The following OXR1 variants were observed in gnomAD, a reference collection of about 807,000 sequenced individuals.
OXR1 encodes oxidation resistance protein 1.
A neutral mutation model predicts 104.6 loss-of-function variants in OXR1; 41 were observed. The observed-to-expected ratio is 0.39, with a 90% CI of 0.31 to 0.51. OXR1 has a LOEUF of 0.51. Among genes scored for constraint, OXR1 ranks in the 20% least tolerant of loss-of-function variants. OXR1 has a pLI of 0.77. For missense variants in OXR1, 955 were observed against 1,031.9 expected, an observed-to-expected ratio of 0.93 and a Z score of 1.02; for synonymous variants, 348 against 348.4, an observed-to-expected ratio of 1.00 and a Z score of 0.01.
chr8:106,373,513 C>A (rs1267449248), intron 2 of OXR1, among the ~76,000 whole-genome samples: 3 of 152,104 alleles, frequency 2.0e-5, no homozygotes, highest in Non-Finnish European at 4.4e-5. Flanking sequence ...TCACTTTATT[C>A]TAAAATTATG....
chr8:106,612,976 C>T (rs1303216015), intron 3 of OXR1, among the ~76,000 whole-genome samples: 1 of 152,084 alleles, frequency 6.6e-6, no homozygotes, highest in Non-Finnish European at 1.5e-5. Context: ...CACTCTGCAA[C>T]ACGTGCTTTC....
At chr8:106,396,184 C>T (rs1189744752) in intron 2 of OXR1, among the ~76,000 whole-genome samples, 2 of 152,030 alleles carry the variant, frequency 1.3e-5, no homozygotes, top group Non-Finnish European at 2.9e-5. Context: ...GATATAACCC[C>T]CTCCAGGAGG....
intron 1 of OXR1, among the ~76,000 whole-genome samples, chr8:106,285,769 A>G (rs1266317069): frequency 6.6e-6 from 1 of 152,114 alleles, no homozygotes; most frequent in Non-Finnish European, 1.5e-5. Flanking sequence ...TGTGTGTGGC[A>G]TCTTTATACA....
chr8:106,577,436 C>G (rs1817932970), intron 3 of OXR1, among the ~76,000 whole-genome samples: 2 of 127,946 alleles, frequency 1.6e-5, no homozygotes, highest in South Asian at 2.6e-4. Flanking sequence ...GTCAGCCAGG[C>G]TGGAGTGCAG....
intron 3 of OXR1, among the ~76,000 whole-genome samples, chr8:106,575,438 T>G (rs1817755284): frequency 6.6e-6 from 1 of 152,128 alleles, no homozygotes; most frequent in South Asian, 2.1e-4. Context: ...AAAATGGACA[T>G]TCACAGCCCC....
intron 1 of OXR1, among the ~76,000 whole-genome samples, chr8:106,327,005 C>T (rs1002113601): frequency 1.4e-4 from 22 of 152,066 alleles, no homozygotes; most frequent in Non-Finnish European, 2.5e-4. Context: ...GGAAAATTCA[C>T]AAATACATAT....
At chr8:106,458,357 C>T (rs922201975) in intron 2 of OXR1, among the ~76,000 whole-genome samples, 1 of 152,150 alleles carries the variant, frequency 6.6e-6, no homozygotes. Flanking sequence ...CAACCTGCTG[C>T]TCTGGAAGGT....
chr8:106,624,109 T>G (rs761293165), intron 3 of OXR1, among the ~76,000 whole-genome samples: 5 of 152,148 alleles, frequency 3.3e-5, no homozygotes, highest in Middle Eastern at 3.2e-3. Flanking sequence ...AAAGTCAGGT[T>G]TTCGACCAAT....
At chr8:106,442,765 C>A (rs1819843334) in intron 2 of OXR1, among the ~76,000 whole-genome samples, 1 of 151,918 alleles carries the variant, frequency 6.6e-6, no homozygotes, top group South Asian at 2.1e-4. Flanking sequence ...TGGTGATATC[C>A]CCGTTATCAT....
intron 2 of OXR1, among the ~76,000 whole-genome samples, chr8:106,461,082 T>G (rs957293282): frequency 6.6e-6 from 1 of 152,142 alleles, no homozygotes; most frequent in African/African-American, 2.4e-5. Context: ...TGAATCTGTT[T>G]ATTCAAGAGC....
intron 3 of OXR1, among the ~76,000 whole-genome samples, chr8:106,626,596 T>A (rs1563652172): frequency 2.1e-5 from 3 of 143,472 alleles, no homozygotes; most frequent in Non-Finnish European, 4.6e-5. Context: ...TTCTTAGGTT[T>A]TTTTTTTTTT....
At chr8:106,342,506 C>T (rs994107572) in intron 1 of OXR1, among the ~76,000 whole-genome samples, 27 of 152,100 alleles carry the variant, frequency 1.8e-4, no homozygotes, top group African/African-American at 5.8e-4. Context: ...CCACCTGCCT[C>T]GGCCTCCCAA....
At chr8:106,460,279 C>T (rs1477392063) in intron 2 of OXR1, among the ~76,000 whole-genome samples, 2 of 152,194 alleles carry the variant, frequency 1.3e-5, no homozygotes, top group African/African-American at 4.8e-5. Flanking sequence ...CCATCGGAGT[C>T]TGCCCTATCC....
chr8:106,519,224 G>C, intron 3 of OXR1, 85 bp downstream of exon 3: 2 of 804,060 alleles, frequency 2.5e-6, no homozygotes, highest in Non-Finnish European at 3.9e-6. Context: ...TAGTTAAGTG[G>C]CTCCTTGTTA....
intron 2 of OXR1, among the ~76,000 whole-genome samples, chr8:106,424,817 G>T (rs1488020760): frequency 6.6e-6 from 1 of 151,688 alleles, no homozygotes; most frequent in African/African-American, 2.4e-5. Flanking sequence ...GTTAAAAAAT[G>T]GTGTTATTTT....
At chr8:106,517,488 T>G (rs1289369327) in intron 2 of OXR1, among the ~76,000 whole-genome samples, 2 of 152,182 alleles carry the variant, frequency 1.3e-5, no homozygotes, top group African/African-American at 4.8e-5. Context: ...ATCTTTTGGT[T>G]AACACATAAA....
intron 2 of OXR1, among the ~76,000 whole-genome samples, chr8:106,469,583 G>A (rs1563542967): frequency 6.6e-6 from 1 of 151,820 alleles, no homozygotes; most frequent in Non-Finnish European, 1.5e-5. Context: ...CTTGGCTAGG[G>A]TTGACAGAAA....
Position 106,431,977 on chromosome 8 carries a change from T to C in OXR1, c.23+72341T>C, listed in dbSNP as rs1489348347. On this transcript the variant is annotated intron_variant, in intron 2 of 16. Coordinates refer to ENST00000517566, the MANE Select transcript of OXR1 (RefSeq NM_001198533.2). ...TTGAATTTGTGTATATTTTTCTATTTCCCTCTTCATTGTCCTAAAGTCAAC... is the reference window on the plus strand; with the variant it reads ...TTGAATTTGTGTATATTTTTCTATTCCCCTCTTCATTGTCCTAAAGTCAAC... Among the ~76,000 whole-genome samples, 4 of 152,182 alleles carry C rather than the reference T, an allele frequency of 2.6e-5. No individual in the cohort carries two copies. The East Asian group carries it at 7.7e-4, about 29-fold the overall frequency.
intron 2 of OXR1, among the ~76,000 whole-genome samples, chr8:106,485,541 G>T (rs938259916): frequency 6.6e-6 from 1 of 151,980 alleles, no homozygotes; most frequent in Non-Finnish European, 1.5e-5. Flanking sequence ...ACCTATTTCA[G>T]AGTGTTAGTC....
Sources: gnomAD v4.1 joint callset for allele counts (sites outside exome capture counted in the v4.1 genomes callset) on GRCh38, gnomAD v4.1.1 for gene constraint, MANE v1.5 for transcripts, NCBI Gene and HGNC (gene_info 2026-07-23, HGNC 2026-07-21) for gene names.